The following IGSF21 variants were observed in gnomAD, a reference collection of about 807,000 sequenced individuals.
The protein encoded by IGSF21 is immunoglobulin superfamily member 21.
In IGSF21, 28 loss-of-function variants were observed where a neutral mutation model predicts 46.8. The ratio of observed to expected loss-of-function variants is 0.60; its 90% CI spans 0.44 to 0.82. The LOEUF is 0.82. IGSF21 is among the 40% of genes least tolerant of loss of function. IGSF21 has a pLI of 0.00. For missense variants in IGSF21, 624 were observed against 665.5 expected, an observed-to-expected ratio of 0.94 and a Z score of 0.69; for synonymous variants, 284 against 273.6, an observed-to-expected ratio of 1.04 and a Z score of -0.38.
chr1:18,265,281 G>T (rs909018151), intron 2 of IGSF21, among the ~76,000 whole-genome samples: 3 of 152,128 alleles, frequency 2.0e-5, no homozygotes, highest in Non-Finnish European at 2.9e-5. Context: ...GACCCCAGTT[G>T]TGTTGTGTGA....
chr1:18,340,361 G>A (rs2085819681), intron 4 of IGSF21, among the ~76,000 whole-genome samples: 1 of 152,164 alleles, frequency 6.6e-6, no homozygotes, highest in Non-Finnish European at 1.5e-5. Flanking sequence ...TCAGGGATGG[G>A]GCTGTTCTAG....
chr1:18,157,138 GA>G (rs961121965), intron 1 of IGSF21, among the ~76,000 whole-genome samples: 9 of 147,180 alleles, frequency 6.1e-5, no homozygotes, highest in East Asian at 4.0e-4. Flanking sequence ...AAAAAAGAAA[GA>G]AAAAAAAAAG....
rs1410212009 is a variant in IGSF21 at position 18,120,420 on chromosome 1, A to T, written c.70+12222A>T. ...TGGTGCCACCCATTGATCAAACCCT[A>T]TTGAAAGCCCATACAGATCAGCCTC... is the stretch of plus-strand genomic sequence containing the variant. On this transcript the variant is annotated intron_variant, in intron 1 of 9. Coordinates refer to ENST00000251296, the MANE Select transcript of IGSF21 (RefSeq NM_032880.5). Among the ~76,000 whole-genome samples the T allele has an allele frequency of 2.0e-5, 3 of 152,118 alleles. No homozygotes were observed. The East Asian group carries it at 5.8e-4, about 29-fold the overall frequency.
chr1:18,362,979 C>T (rs1215761539), intron 5 of IGSF21, among the ~76,000 whole-genome samples: 3 of 152,074 alleles, frequency 2.0e-5, no homozygotes, highest in Admixed American at 6.5e-5. Context: ...GGGGGCTGGA[C>T]AATATTTGTT....
At chr1:18,213,885 C>T (rs1231637137) in intron 1 of IGSF21, among the ~76,000 whole-genome samples, 1 of 152,178 alleles carries the variant, frequency 6.6e-6, no homozygotes, top group African/African-American at 2.4e-5. Context: ...ATCACCTTCC[C>T]TGCCCAACAC....
At chr1:18,278,083 A>G (rs1009525206) in intron 2 of IGSF21, among the ~76,000 whole-genome samples, 2 of 152,162 alleles carry the variant, frequency 1.3e-5, no homozygotes, top group Non-Finnish European at 1.5e-5. Flanking sequence ...AAGGTTTAGG[A>G]GTAAACTGTA....
At chr1:18,284,184 T>A (rs2085190268) in intron 2 of IGSF21, among the ~76,000 whole-genome samples, 1 of 152,196 alleles carries the variant, frequency 6.6e-6, no homozygotes, top group Non-Finnish European at 1.5e-5. Context: ...TAGCCTGAGG[T>A]TGACTTGGTC....
At position 18,273,517 on chromosome 1, in the gene IGSF21, T is replaced by TTTCTTTCTTTCC. The variant is rs1356188674; in HGVS notation, c.184-18346_184-18345insTTTCTTTCCTTC. On this transcript the variant is annotated intron_variant, in intron 2 of 9. Transcript: ENST00000251296. ...CTTTCTTTCTTTCTTTCTTTCTTTC[T>TTTCTTTCTTTCC]TTCGTCTTTCTTTACTTTTTTTTTT... 1.0e-3 allele frequency among the ~76,000 whole-genome samples: 102 copies of TTTCTTTCTTTCC among 99,258 alleles called. 6 individuals are homozygous for TTTCTTTCTTTCC. The highest frequency in any genetic ancestry group is 9.9e-3 in the Middle Eastern group (2 of 202). 65.1% of individuals were successfully genotyped at this position (99,258 alleles called of 152,430 possible). A position where few individuals can be genotyped will look rare whatever the true frequency, so the allele number is the denominator to read the frequency against.
intron 2 of IGSF21, among the ~76,000 whole-genome samples, chr1:18,267,745 C>A (rs1047127462): frequency 1.3e-5 from 2 of 152,220 alleles, no homozygotes; most frequent in Admixed American, 1.3e-4. Context: ...GTTGGAGGAG[C>A]TCATTCTGCA....
chr1:18,354,288 A>C (rs12076911), intron 4 of IGSF21, among the ~76,000 whole-genome samples: 1,857 of 152,306 alleles, frequency 0.012, 35 homozygotes, highest in African/African-American at 0.041. Flanking sequence ...CAGGCAGCTC[A>C]GCATTGCTGA....
chr1:18,203,680 C>T (rs1472644420), intron 1 of IGSF21, among the ~76,000 whole-genome samples: 1 of 152,146 alleles, frequency 6.6e-6, no homozygotes, highest in East Asian at 1.9e-4. Flanking sequence ...TCACTTCATT[C>T]ACCAGAATGA....
intron 1 of IGSF21, among the ~76,000 whole-genome samples, chr1:18,183,141 C>T (rs2086872695): frequency 6.6e-6 from 1 of 152,206 alleles, no homozygotes; most frequent in Non-Finnish European, 1.5e-5. Context: ...GCCCCTGAGA[C>T]AGGCAGCCAG....
intron 4 of IGSF21, among the ~76,000 whole-genome samples, chr1:18,349,626 ACAGCACTCACCACAG>A (rs921802145): frequency 2.6e-5 from 4 of 152,126 alleles, no homozygotes; most frequent in Admixed American, 6.6e-5. Context: ...ATCCATCACA[ACAGCACTCACCACAG>A]CAGCACTCAC....
intron 1 of IGSF21, among the ~76,000 whole-genome samples, chr1:18,224,565 AG>A (rs1366572480): frequency 6.6e-6 from 1 of 152,184 alleles, no homozygotes; most frequent in African/African-American, 2.4e-5. Context: ...CAGCTCCATG[AG>A]GACAGGGACG....
chr1:18,298,623 C>T (rs2085333714), intron 3 of IGSF21, among the ~76,000 whole-genome samples: 1 of 152,180 alleles, frequency 6.6e-6, no homozygotes, highest in Admixed American at 6.5e-5. Flanking sequence ...AGGAGGGAGA[C>T]TCGGGAGAGC....
In IGSF21 at chr1:18,215,321, A is replaced by G. The variant is rs558625044; in HGVS notation, c.71-12577A>G. Among the ~76,000 whole-genome samples, 14 of 152,334 alleles carry G rather than the reference A, an allele frequency of 9.2e-5. 2 individuals are homozygous for G. The highest frequency in any genetic ancestry group is 3.4e-4 in the African/African-American group (14 of 41,560). On this transcript the variant is annotated intron_variant, in intron 1 of 9. Coordinates refer to ENST00000251296, the MANE Select transcript of IGSF21 (RefSeq NM_032880.5). ...TAGTGTGGCCAGCAACACGCAAAGC[A>G]CTAAGAATGTAGTAACAGAGACAGG...
At chr1:18,202,577 AAGAGAG>A (rs147654635) in intron 1 of IGSF21, among the ~76,000 whole-genome samples, 3 of 149,198 alleles carry the variant, frequency 2.0e-5, no homozygotes, top group Non-Finnish European at 3.0e-5. Flanking sequence ...TGGCAGGAGA[AAGAGAG>A]AGAGAGAGAG....
chr1:18,308,465 T>C (rs1282508362), intron 3 of IGSF21, among the ~76,000 whole-genome samples: 2 of 151,922 alleles, frequency 1.3e-5, no homozygotes, highest in Non-Finnish European at 2.9e-5. Flanking sequence ...ACACAAAGAG[T>C]TTAGGTTTGC....
At chr1:18,371,383 C>A (rs2086221948) in intron 6 of IGSF21, among the ~76,000 whole-genome samples, 1 of 152,008 alleles carries the variant, frequency 6.6e-6, no homozygotes, top group Non-Finnish European at 1.5e-5. Flanking sequence ...ACCAGCCTGG[C>A]CAACATGGTG....
Sources: gnomAD v4.1 joint callset for allele counts (sites outside exome capture counted in the v4.1 genomes callset) on GRCh38, gnomAD v4.1.1 for gene constraint, MANE v1.5 for transcripts, NCBI Gene and HGNC (gene_info 2026-07-23, HGNC 2026-07-21) for gene names.